The following ADAMTSL1 variants were observed in gnomAD, a reference collection of about 807,000 sequenced individuals.
The protein encoded by ADAMTSL1 is ADAMTS like 1.
Under a neutral mutation model 201.8 loss-of-function variants are expected in ADAMTSL1, and 126 were observed. That is an observed-to-expected ratio of 0.62 (90% CI 0.54 to 0.72). The LOEUF (loss-of-function observed/expected upper bound fraction) is 0.72, where lower values mean the gene tolerates loss of function less well. ADAMTSL1 is among the 30% of genes least tolerant of loss of function. The pLI is 0.00. For synonymous variants in ADAMTSL1, 1,121 were observed against 903.4 expected, an observed-to-expected ratio of 1.24 and a Z score of -4.32; for missense variants, 2,679 against 2,277.8, an observed-to-expected ratio of 1.18 and a Z score of -3.59.
intron 1 of ADAMTSL1, among the ~76,000 whole-genome samples, chr9:18,008,740 T>G (rs62553119): frequency 0.081 from 12,235 of 151,918 alleles, 617 homozygotes; most frequent in African/African-American, 0.14. Flanking sequence ...TGCTTAGAAC[T>G]CATGGCCATC....
intron 20 of ADAMTSL1, among the ~76,000 whole-genome samples, chr9:18,807,570 C>T (rs984705440): frequency 6.7e-6 from 1 of 149,810 alleles, no homozygotes; most frequent in Non-Finnish European, 1.5e-5. Context: ...GGCGTGAACC[C>T]GGGAGGCGGA....
At chr9:18,374,789 A>G (rs1469200727) in intron 2 of ADAMTSL1, among the ~76,000 whole-genome samples, 3 of 152,188 alleles carry the variant, frequency 2.0e-5, no homozygotes, top group Non-Finnish European at 4.4e-5. Context: ...TTGTCCATTT[A>G]TTAGATGCAC....
intron 2 of ADAMTSL1, among the ~76,000 whole-genome samples, chr9:18,331,885 T>C (rs1835041358): frequency 6.6e-6 from 1 of 152,170 alleles, no homozygotes; most frequent in Admixed American, 6.5e-5. Context: ...ACTTTTATTA[T>C]ATTATATTTT....
intron 2 of ADAMTSL1, among the ~76,000 whole-genome samples, chr9:18,269,247 C>T (rs1046441943): frequency 2.0e-5 from 3 of 152,118 alleles, no homozygotes; most frequent in Non-Finnish European, 4.4e-5. Flanking sequence ...TCCAGCTATA[C>T]AGTAAACTCT....
intron 2 of ADAMTSL1, among the ~76,000 whole-genome samples, chr9:18,245,309 A>C (rs553305365): frequency 1.3e-5 from 2 of 152,320 alleles, no homozygotes; most frequent in South Asian, 2.1e-4. Flanking sequence ...ACGTTCAATC[A>C]ATATTTAAAA....
chr9:18,211,171 A>G (rs924879754), intron 2 of ADAMTSL1, among the ~76,000 whole-genome samples: 18 of 152,230 alleles, frequency 1.2e-4, no homozygotes, highest in Non-Finnish European at 2.5e-4. Flanking sequence ...AAAGCAATAC[A>G]CAGTCGCCAG....
intron 2 of ADAMTSL1, among the ~76,000 whole-genome samples, chr9:18,507,660 T>G (rs1409190586): frequency 2.0e-5 from 3 of 152,142 alleles, no homozygotes; most frequent in Non-Finnish European, 4.4e-5. Context: ...ATTCAAGACT[T>G]TTGTTTATGT....
intron 3 of ADAMTSL1, among the ~76,000 whole-genome samples, chr9:18,552,826 A>G (rs921987962): frequency 6.6e-5 from 10 of 151,726 alleles, no homozygotes; most frequent in South Asian, 2.1e-4. Flanking sequence ...TTTATCTGAT[A>G]TAAATATTCA....
At chr9:18,438,833 G>C (rs964039932) in intron 2 of ADAMTSL1, among the ~76,000 whole-genome samples, 1 of 152,080 alleles carries the variant, frequency 6.6e-6, no homozygotes, top group Non-Finnish European at 1.5e-5. Flanking sequence ...AAAATGGAGA[G>C]GCTCATTGCA....
chr9:17,941,159 G>T (rs957356584), intron 1 of ADAMTSL1, among the ~76,000 whole-genome samples: 1 of 152,072 alleles, frequency 6.6e-6, no homozygotes, highest in Non-Finnish European at 1.5e-5. Context: ...TATTGTAAAA[G>T]AGAGAAGCCA....
chr9:18,795,188 ACCT>A (rs139782862), intron 19 of ADAMTSL1, among the ~76,000 whole-genome samples: 37,864 of 151,960 alleles, frequency 0.25, 4,803 homozygotes, highest in Admixed American at 0.31. Context: ...GCAATGGGAA[ACCT>A]CCTTATTTGA....
At chr9:18,144,253 C>A (rs1826528266) in intron 1 of ADAMTSL1, among the ~76,000 whole-genome samples, 1 of 151,928 alleles carries the variant, frequency 6.6e-6, no homozygotes, top group African/African-American at 2.4e-5. Context: ...CTTGCTCAGG[C>A]TGGAGTGCAG....
chr9:17,991,843 G>T (rs1432899378), intron 1 of ADAMTSL1, among the ~76,000 whole-genome samples: 1 of 152,120 alleles, frequency 6.6e-6, no homozygotes, highest in African/African-American at 2.4e-5. Context: ...CAACTCATGA[G>T]GATTTCTCAT....
intron 1 of ADAMTSL1, among the ~76,000 whole-genome samples, chr9:17,994,608 A>G (rs1207662799): frequency 6.6e-6 from 1 of 152,166 alleles, no homozygotes. Flanking sequence ...TAGCACTTGT[A>G]TTTAATGTGA....
intron 1 of ADAMTSL1, among the ~76,000 whole-genome samples, chr9:18,046,676 TATA>T (rs893100277): frequency 6.6e-6 from 1 of 152,190 alleles, no homozygotes; most frequent in African/African-American, 2.4e-5. Context: ...TGATGGAAAC[TATA>T]ATAATAATTA....
At chr9:18,838,451 G>C (rs116823840) in intron 23 of ADAMTSL1, among the ~76,000 whole-genome samples, 1 of 151,800 alleles carries the variant, frequency 6.6e-6, no homozygotes, top group African/African-American at 2.4e-5. Flanking sequence ...TAGGGAAAGA[G>C]AGAAAAGCTC....
intron 2 of ADAMTSL1, among the ~76,000 whole-genome samples, chr9:18,455,324 C>T (rs1339558431): frequency 6.6e-6 from 1 of 152,094 alleles, no homozygotes; most frequent in Admixed American, 6.5e-5. Flanking sequence ...TTTTCTCAAA[C>T]ATTTGGAAGA....
At chr9:18,563,496 C>A (rs1260746268) in intron 3 of ADAMTSL1, among the ~76,000 whole-genome samples, 1 of 152,188 alleles carries the variant, frequency 6.6e-6, no homozygotes, top group Non-Finnish European at 1.5e-5. Context: ...GGGTTAGGGA[C>A]CCACTTCACG....
At chr9:18,545,944 A>C (rs1430125970) in intron 3 of ADAMTSL1, among the ~76,000 whole-genome samples, 2 of 152,164 alleles carry the variant, frequency 1.3e-5, no homozygotes, top group Admixed American at 1.3e-4. Context: ...CATTAACACC[A>C]AGATGTGCTG....
Sources: gnomAD v4.1 joint callset for allele counts (sites outside exome capture counted in the v4.1 genomes callset) on GRCh38, gnomAD v4.1.1 for gene constraint, MANE v1.5 for transcripts, NCBI Gene and HGNC (gene_info 2026-07-23, HGNC 2026-07-21) for gene names.